DOCK2: variants seen among roughly 807,000 people sequenced by gnomAD.
DOCK2 encodes the protein dedicator of cytokinesis 2.
A neutral mutation model predicts 248.9 loss-of-function variants in DOCK2; 87 were observed. The ratio of observed to expected loss-of-function variants is 0.35; its 90% CI spans 0.29 to 0.42. The LOEUF (loss-of-function observed/expected upper bound fraction) is 0.42. DOCK2 is among the 10% of genes least tolerant of loss of function. The pLI is 1.00. For missense variants in DOCK2, 1,747 were observed against 2,300.2 expected, an observed-to-expected ratio of 0.76 and a Z score of 4.92; for synonymous variants, 805 against 821.6, an observed-to-expected ratio of 0.98 and a Z score of 0.35.
At chr5:169,641,043 G>A (rs1224632201) in intron 1 of DOCK2, among the ~76,000 whole-genome samples, 2 of 152,188 alleles carry the variant, frequency 1.3e-5, no homozygotes, top group African/African-American at 2.4e-5. Flanking sequence ...GGCATTCCTT[G>A]GCTTACAAAA....
chr5:169,972,566 TA>T (rs1365811254), intron 27 of DOCK2, among the ~76,000 whole-genome samples: 14 of 59,434 alleles, frequency 2.4e-4, no homozygotes, highest in South Asian at 7.1e-4. Context: ...GATAGATAGA[TA>T]GATAGATAGA....
At chr5:170,052,973 A>G (rs552432536) in intron 41 of DOCK2, among the ~76,000 whole-genome samples, 1 of 152,336 alleles carries the variant, frequency 6.6e-6, no homozygotes, top group East Asian at 1.9e-4. Context: ...TTCACTTGTT[A>G]AAAAGCTGAT....
chr5:169,727,084 A>G (rs1306826500), intron 22 of DOCK2, among the ~76,000 whole-genome samples: 1 of 151,426 alleles, frequency 6.6e-6, no homozygotes, highest in Non-Finnish European at 1.5e-5. Context: ...AAAAAAAAGA[A>G]AAAAGAAAGA....
Position 169,687,219 on chromosome 5 carries a change from T to C in DOCK2, c.762-2033T>C, listed in dbSNP as rs1037555412. Among the ~76,000 whole-genome samples the C allele has an allele frequency of 9.9e-5, 15 of 152,124 alleles. No individual in the cohort carries two copies. In the East Asian group the frequency reaches 2.3e-3, roughly 23 times the overall value. On this transcript the variant is annotated intron_variant, in intron 8 of 51. Coordinates refer to ENST00000520908, the MANE Select transcript of DOCK2 (RefSeq NM_004946.3). The stretch of plus-strand genomic sequence containing the variant: ...TACAGAAATTACCAATGAGAAAGCA[T>C]TAAAAATAAAAAAAATTTGCATGGA...
chr5:169,671,006 A>G, intron 4 of DOCK2, 72 bp from the exon 5 acceptor site: 1 of 1,367,588 alleles, frequency 7.3e-7, no homozygotes, highest in Non-Finnish European at 1.0e-6. Context: ...GCTTAATGCA[A>G]ATTTGTTGGT....
intron 30 of DOCK2, among the ~76,000 whole-genome samples, chr5:170,003,920 T>G (rs1754926768): frequency 6.6e-6 from 1 of 152,184 alleles, no homozygotes; most frequent in Non-Finnish European, 1.5e-5. Flanking sequence ...CAGAGCCCCA[T>G]GGCCAAAACT....
At chr5:169,892,335 T>A (rs146819111) in intron 27 of DOCK2, among the ~76,000 whole-genome samples, 2 of 152,310 alleles carry the variant, frequency 1.3e-5, no homozygotes, top group East Asian at 3.9e-4. Flanking sequence ...CTGGTGTGTA[T>A]CCCCTACACC....
intron 9 of DOCK2, among the ~76,000 whole-genome samples, chr5:169,691,087 T>A (rs1321895053): frequency 6.6e-6 from 1 of 152,124 alleles, no homozygotes; most frequent in Non-Finnish European, 1.5e-5. Context: ...TGGGGGGGCC[T>A]CAGGAAAGTT....
intron 23 of DOCK2, among the ~76,000 whole-genome samples, chr5:169,756,072 C>G (rs10037749): frequency 0.013 from 1,948 of 152,318 alleles, 58 homozygotes; most frequent in African/African-American, 0.045. Flanking sequence ...GGACTAGATG[C>G]AAATTTAATA....
intron 25 of DOCK2, among the ~76,000 whole-genome samples, chr5:169,767,759 G>A (rs1325468772): frequency 6.6e-6 from 1 of 152,152 alleles, no homozygotes; most frequent in African/African-American, 2.4e-5. Context: ...CTTAAAGGGA[G>A]AGACTTAATA....
chr5:169,978,393 G>GC (rs1554123457), intron 27 of DOCK2, among the ~76,000 whole-genome samples: 1 of 43,886 alleles, frequency 2.3e-5, no homozygotes, highest in Non-Finnish European at 4.4e-5. Flanking sequence ...GTGTGTGTGT[G>GC]GGGGGGGGGG....
chr5:169,662,166 A>C (rs867259526), intron 2 of DOCK2, among the ~76,000 whole-genome samples: 65 of 152,194 alleles, frequency 4.3e-4, no homozygotes, highest in Non-Finnish European at 1.0e-4. Context: ...CACAGGCATG[A>C]GGTGATATCT....
chr5:169,821,861 A>G (rs1216966583), intron 26 of DOCK2, among the ~76,000 whole-genome samples: 1 of 152,246 alleles, frequency 6.6e-6, no homozygotes, highest in Admixed American at 6.5e-5. Context: ...AGTGTGCTGT[A>G]TTCAGGAAAC....
chr5:169,934,898 A>G (rs1367358757), intron 27 of DOCK2: 1 of 345,240 alleles, frequency 2.9e-6, no homozygotes, highest in Non-Finnish European at 5.8e-6. Context: ...CTTGATATTT[A>G]TTCTGATTAA....
intron 27 of DOCK2, among the ~76,000 whole-genome samples, chr5:169,948,667 G>T (rs972264871): frequency 9.4e-5 from 14 of 148,162 alleles, no homozygotes; most frequent in African/African-American, 3.5e-4. Flanking sequence ...AGGCTGGAGT[G>T]CAGTGGTGTG....
chr5:169,836,191 A>G (rs959678829), intron 26 of DOCK2, among the ~76,000 whole-genome samples: 27 of 152,380 alleles, frequency 1.8e-4, no homozygotes, highest in Middle Eastern at 3.4e-3. Context: ...TATTAAAAAT[A>G]TTATCCTATG....
intron 26 of DOCK2, among the ~76,000 whole-genome samples, chr5:169,819,395 G>A (rs1340749276): frequency 6.6e-6 from 1 of 152,156 alleles, no homozygotes; most frequent in Non-Finnish European, 1.5e-5. Flanking sequence ...CCAAAGCTAG[G>A]GGATTGCTTG....
At chr5:169,890,435 C>T (rs920719215) in intron 27 of DOCK2, among the ~76,000 whole-genome samples, 4 of 152,198 alleles carry the variant, frequency 2.6e-5, no homozygotes, top group Non-Finnish European at 5.9e-5. Context: ...ATTCCATACT[C>T]ATCTGAAATC....
intron 25 of DOCK2, among the ~76,000 whole-genome samples, chr5:169,780,975 T>G (rs965596279): frequency 2.6e-5 from 4 of 152,174 alleles, no homozygotes; most frequent in African/African-American, 7.2e-5. Context: ...TTAAGAATAA[T>G]AAAAACAAGT....
Sources: gnomAD v4.1 joint callset for allele counts (sites outside exome capture counted in the v4.1 genomes callset) on GRCh38, gnomAD v4.1.1 for gene constraint, MANE v1.5 for transcripts, NCBI Gene and HGNC (gene_info 2026-07-23, HGNC 2026-07-21) for gene names.